The following REST variants were observed in gnomAD, a reference collection of about 807,000 sequenced individuals.
The protein encoded by REST is RE1 silencing transcription factor, also known as RE1-silencing transcription factor.
REST carries 1 observed loss-of-function variant against 30.4 expected under a neutral mutation model. The observed-to-expected ratio is 0.03, with a 90% CI of 0.01 to 0.16. The LOEUF is 0.16. REST is among the 10% of genes least tolerant of loss of function. The pLI, the probability that REST is intolerant of heterozygous loss-of-function variation, is 1.00. For missense variants in REST, 1,259 were observed against 1,329.5 expected (o/e 0.95, Z 0.82); for synonymous variants, 504 against 451.1 (o/e 1.12, Z -1.49).
intron 3 of REST, among the ~76,000 whole-genome samples, chr4:56,922,899 A>G (rs1431363059): frequency 6.6e-6 from 1 of 152,248 alleles, no homozygotes; most frequent in Non-Finnish European, 1.5e-5. Context: ...ACCCATTAAT[A>G]TAATGTTAGG....
intron 3 of REST, among the ~76,000 whole-genome samples, chr4:56,923,758 GT>G (rs1720556053): frequency 6.7e-6 from 1 of 149,990 alleles, no homozygotes; most frequent in Non-Finnish European, 1.5e-5. Context: ...GAGTCTTGCT[GT>G]CGCCCAGGCT....
At chr4:56,924,896 T>G (rs1720614183) in intron 3 of REST, among the ~76,000 whole-genome samples, 2 of 152,144 alleles carry the variant, frequency 1.3e-5, no homozygotes, top group African/African-American at 4.8e-5. Flanking sequence ...CTATGCACGG[T>G]TGTTCACACC....
intron 3 of REST, among the ~76,000 whole-genome samples, chr4:56,920,623 G>A (rs1426368398): frequency 1.3e-5 from 2 of 151,790 alleles, no homozygotes; most frequent in Admixed American, 1.3e-4. Flanking sequence ...TTAGCCAGGC[G>A]TGGTGGCGCA....
chr4:56,929,349 A>G (rs1349307527), intron 3 of REST, among the ~76,000 whole-genome samples: 1 of 151,808 alleles, frequency 6.6e-6, no homozygotes, highest in Non-Finnish European at 1.5e-5. Flanking sequence ...TTTTGTTTTG[A>G]TTTATTTTGC....
chr4:56,930,822 A>G lies in REST; in HGVS notation c.1964A>G (p.Glu655Gly). 6.2e-7 allele frequency: 1 copy of G among 1,610,430 alleles called. No homozygotes were observed. Among genetic ancestry groups the G allele is most frequent in the Non-Finnish European group, 8.5e-7 (1 of 1,178,030 alleles). The stretch of plus-strand genomic sequence containing the variant: ...GCTCCTGACGAGCCTGTTCAGATGG[A>G]GGTGGTTCAGGAGGGGCCTGCTCAG... Reference protein sequence around the residue: ...RPAPDEPVQMEVVQEGPAQKE... With the variant: ...RPAPDEPVQMGVVQEGPAQKE... The change falls in exon 4 of 4, where the codon GAG becomes GGG. Residue 655 changes from glutamate to glycine, a missense_variant. Coordinates refer to ENST00000309042, the MANE Select transcript of REST (RefSeq NM_005612.5).
chr4:56,931,767 T>A lies in REST; in HGVS notation c.2909T>A (p.Val970Asp), dbSNP rs761587815. The A allele has an allele frequency of 1.9e-5, 30 of 1,614,090 alleles. No homozygotes were observed. The highest frequency in any genetic ancestry group is 2.4e-5 in the Non-Finnish European group (28 of 1,180,042). ...TGINSTVEEP[V>D]SPMLPPSAVE... Reference sequence around the variant, plus strand: ...ATAAATTCAACAGTTGAAGAACCAGTTTCACCAATGCTTCCCCCTTCAGCA... The same window carrying A: ...ATAAATTCAACAGTTGAAGAACCAGATTCACCAATGCTTCCCCCTTCAGCA... The change falls in exon 4 of 4, where the codon GTT becomes GAT. Residue 970 changes from valine to aspartate, a missense_variant. Val to Asp is a radical substitution (Grantham distance 152, BLOSUM62 -3). Around this residue, in one of 5 missense-constraint regions of REST, gnomAD observed 856 missense variants for 772.8 expected, o/e 1.11. Coordinates refer to ENST00000309042, the MANE Select transcript of REST (RefSeq NM_005612.5).
chr4:56,930,109 T>C lies in REST; in HGVS notation c.1251T>C (p.Asn417=), dbSNP rs758848431. 2 of 1,613,714 alleles carry C rather than the reference T, an allele frequency of 1.2e-6. No individual in the cohort carries two copies. Among genetic ancestry groups the C allele is most frequent in the South Asian group, 2.2e-5 (2 of 90,932 alleles). ...AATCTAAGCATCCTACTTGTCCTAA[T>C]AAAACAATGGATGTCTCAAAAGTGA... ...HFKSKHPTCP[N]KTMDVSKVKL... The change falls in exon 4 of 4, where the codon AAT becomes AAC. Residue 417 remains asparagine, a synonymous_variant. Transcript: ENST00000309042.
rs775296111 is a variant in REST, at chr4:56,910,624, A to G, written c.-9-6A>G. The G allele has an allele frequency of 6.3e-7, 1 of 1,583,264 alleles. No individual in the cohort carries two copies. Among genetic ancestry groups the G allele is most frequent in the Non-Finnish European group, 8.6e-7 (1 of 1,162,346 alleles). On this transcript the variant is annotated splice_region_variant and splice_polypyrimidine_tract_variant and intron_variant, in intron 1 of 3. Coordinates refer to ENST00000309042, the MANE Select transcript of REST (RefSeq NM_005612.5). ...GTGCTCTTGTTTTGTTTTGTTTTTA[A>G]TTCAGAATACAGTTATGGCCACCCA... is the stretch of plus-strand genomic sequence containing the variant.
At chr4:56,927,825 G>A (rs1720780693) in intron 3 of REST, among the ~76,000 whole-genome samples, 1 of 152,062 alleles carries the variant, frequency 6.6e-6, no homozygotes, top group African/African-American at 2.4e-5. Context: ...TTTATAGAAA[G>A]GTGGGGGGAA....
In REST at chr4:56,931,300, T is replaced by A; in HGVS notation, c.2442T>A (p.Pro814=). Residue 814 remains proline, a synonymous_variant, in exon 4 of 4, where the codon CCT becomes CCA. Coordinates refer to ENST00000309042, the MANE Select transcript of REST (RefSeq NM_005612.5). The part of the protein sequence containing the change: ...PLHMEPISKK[P]PLRKDKKEKS... ...ACATGGAGCCAATTTCCAAAAAGCC[T>A]CCTCTCCGAAAAGATAAAAAGGAAA... 1 of 1,614,176 alleles carries A rather than the reference T, an allele frequency of 6.2e-7. No homozygotes were observed. Among genetic ancestry groups the A allele is most frequent in the Non-Finnish European group, 8.5e-7 (1 of 1,180,040 alleles).
intron 3 of REST, among the ~76,000 whole-genome samples, chr4:56,926,633 C>T (rs1451319499): frequency 6.6e-6 from 1 of 151,618 alleles, no homozygotes; most frequent in Non-Finnish European, 1.5e-5. Flanking sequence ...CGTGACCCAC[C>T]GCGCCCTGCT....
chr4:56,926,666 A>G (rs896664172), intron 3 of REST, among the ~76,000 whole-genome samples: 10 of 152,018 alleles, frequency 6.6e-5, no homozygotes, highest in Admixed American at 4.6e-4. Context: ...TTATTTATCC[A>G]TACTCAAAGT....
chr4:56,921,006 C>T (rs562360595), intron 3 of REST, among the ~76,000 whole-genome samples: 54 of 152,018 alleles, frequency 3.6e-4, no homozygotes, highest in Non-Finnish European at 6.2e-4. Context: ...GCTGGGATTA[C>T]AGGCGCGCAC....
Position 56,930,261 on chromosome 4 carries a change from C to T in REST, c.1403C>T (p.Ala468Val). The change falls in exon 4 of 4, where the codon GCA becomes GTA. Residue 468 changes from alanine (A) to valine (V), a missense_variant. Coordinates refer to ENST00000309042, the MANE Select transcript of REST (RefSeq NM_005612.5). ...AGKKNEKSVK[A>V]EKRDVSKEKK... ...AAGAAAAATGAAAAGTCCGTCAAAG[C>T]AGAGAAAAGAGATGTCTCAAAAGAG... 19 of 1,611,272 alleles carry T rather than the reference C, an allele frequency of 1.2e-5. No homozygotes were observed. Among genetic ancestry groups the T allele is most frequent in the Non-Finnish European group, 1.4e-5 (17 of 1,179,464 alleles).
intron 2 of REST, among the ~76,000 whole-genome samples, chr4:56,918,845 G>GT (rs886157513): frequency 2.6e-5 from 4 of 151,602 alleles, no homozygotes; most frequent in African/African-American, 9.7e-5. Flanking sequence ...TAATTTTTCT[G>GT]TTTTTTGTAG....
intron 3 of REST, among the ~76,000 whole-genome samples, chr4:56,921,472 G>A (rs186292132): frequency 1.1e-4 from 16 of 151,904 alleles, no homozygotes; most frequent in Admixed American, 5.9e-4. Context: ...GCAGTGGCGC[G>A]CATCTCAGCT....
chr4:56,929,995 T>C lies in REST; in HGVS notation c.1137T>C (p.His379=), dbSNP rs749531285. The C allele has an allele frequency of 1.8e-5, 29 of 1,614,058 alleles. No individual in the cohort carries two copies. The highest frequency in any genetic ancestry group is 4.0e-5 in the African/African-American group (3 of 74,922). ...KTADRSNFKK[H]VELHVNPRQF... is the part of the protein sequence containing the mutation. Reference sequence around the variant, plus strand: ...CAGATAGAAGCAACTTCAAAAAACATGTAGAGCTACATGTGAACCCACGGC... The same window carrying C: ...CAGATAGAAGCAACTTCAAAAAACACGTAGAGCTACATGTGAACCCACGGC... Residue 379 remains histidine (H), a synonymous_variant, in exon 4 of 4, where the codon CAT becomes CAC. Coordinates refer to ENST00000309042, the MANE Select transcript of REST (RefSeq NM_005612.5).
rs1254482356 is a variant in REST, at chr4:56,931,492, A to G, written c.2634A>G (p.Gly878=). 3 of 1,614,218 alleles carry G rather than the reference A, an allele frequency of 1.9e-6. No homozygotes were observed. In the Admixed American group the frequency reaches 5.0e-5, roughly 27 times the overall value. ...AAAATTTAAGAGAAGAGGCATCAGG[A>G]GACCAAAAATTACTCAACACAGGTG... The part of the protein sequence containing the change: ...PKENLREEAS[G]DQKLLNTGEG... The change falls in exon 4 of 4, where the codon GGA becomes GGG. Residue 878 remains glycine, a synonymous_variant. Transcript: ENST00000309042.
intron 2 of REST, among the ~76,000 whole-genome samples, chr4:56,912,309 C>G (rs892964110): frequency 1.3e-5 from 2 of 149,710 alleles, no homozygotes; most frequent in Non-Finnish European, 3.0e-5. Flanking sequence ...TGAACTGATA[C>G]TAAGCGCAAC....
Sources: allele counts gnomAD v4.1 joint callset (sites outside exome capture counted in the v4.1 genomes callset), GRCh38; gene constraint gnomAD v4.1.1; regional missense constraint gnomAD v4.1.1; transcripts MANE v1.5; gene names NCBI Gene and HGNC (gene_info 2026-07-23, HGNC 2026-07-21).